Variants in RPL3 observed in about 807,000 individuals in gnomAD.
RPL3 encodes ribosomal protein L3, also known as large ribosomal subunit protein uL3.
In RPL3, 3 loss-of-function variants were observed where a neutral mutation model predicts 46.0. The observed-to-expected ratio is 0.07, with a 90% CI of 0.03 to 0.17. The LOEUF (loss-of-function observed/expected upper bound fraction) is 0.17. RPL3 is among the 10% of genes least tolerant of loss of function. The pLI is 1.00. For synonymous variants in RPL3, 224 were observed against 190.8 expected (o/e 1.17, Z -1.43); for missense variants, 387 against 532.7 (o/e 0.73, Z 2.69).
At position 39,313,305 on chromosome 22, in the gene RPL3, C is replaced by A; in HGVS notation, c.1053G>T (p.Leu351Phe). ...KKRVLTLRKS[L>F]LVQTKRRALE... Reference sequence around the variant, plus strand: ...GAGCCCGCCGCTTCGTCTGCACCAGCAAGGACTATGGGCCAAGAGGGGAAG... The same window carrying A: ...GAGCCCGCCGCTTCGTCTGCACCAGAAAGGACTATGGGCCAAGAGGGGAAG... Residue 351 changes from leucine (L) to phenylalanine (F), a missense_variant, in exon 9 of 10, where the codon TTG becomes TTT. By Grantham distance (22) the Leu-to-Phe change is conservative. Coordinates refer to ENST00000216146, the MANE Select transcript of RPL3 (RefSeq NM_000967.4). The A allele has an allele frequency of 1.2e-6, 2 of 1,614,016 alleles. No homozygotes were observed. Among genetic ancestry groups the A allele is most frequent in the Non-Finnish European group, 1.7e-6 (2 of 1,179,968 alleles).
intron 5 of RPL3, chr22:39,315,160 G>T: frequency 1.2e-6 from 1 of 841,886 alleles, no homozygotes; most frequent in Non-Finnish European, 2.0e-6. Context: ...CCAGGAACGT[G>T]TTAAGAAGTT....
At chr22:39,314,029 G>A (rs1321104828) in intron 7 of RPL3, 78 bp downstream of exon 7, 7 of 1,205,950 alleles carry the variant, frequency 5.8e-6, no homozygotes, top group Non-Finnish European at 8.7e-6. Flanking sequence ...GATCCTGCTA[G>A]CAGCCCCTAG....
At chr22:39,316,379 T>C (rs1445565410) in intron 4 of RPL3, among the ~76,000 whole-genome samples, 2 of 152,132 alleles carry the variant, frequency 1.3e-5, no homozygotes, top group African/African-American at 4.8e-5. Flanking sequence ...GCACTTGAGA[T>C]CAGCCAGGAT....
Position 39,313,607 on chromosome 22 carries a change from C to A in RPL3, c.1047+27G>T, listed in dbSNP as rs756718095. The A allele has an allele frequency of 3.1e-6, 5 of 1,605,626 alleles. No individual in the cohort carries two copies. The South Asian group carries it at 4.4e-5, about 14-fold the overall frequency. ...TGGATCCTCCCTCTACAAGAGCCCC[C>A]CCATGACAAGTCAGGACCTGCCTCA... On this transcript the variant is annotated intron_variant, in intron 8 of 9. Transcript: ENST00000216146.
At chr22:39,319,379 C>T in intron 1 of RPL3, 1 of 654,046 alleles carries the variant, frequency 1.5e-6, no homozygotes, top group Non-Finnish European at 2.7e-6. Context: ...TACGGCCTCT[C>T]TCTGGCCGAC....
chr22:39,317,485 C>T lies in RPL3; in HGVS notation c.341G>A (p.Cys114Tyr). The stretch of plus-strand genomic sequence containing the variant: ...CCAATTCTTATAGAAACGCCTCTTG[C>T]ATTCATCACTGATGTGCTCAGCAAA... ...TVFAEHISDE[C>Y]KRRFYKNWHK... is the part of the protein sequence containing the mutation. The change falls in exon 3 of 10, where the codon TGC (cysteine) becomes TAC (tyrosine). Residue 114 changes from cysteine to tyrosine, a missense_variant. Cys to Tyr is a radical substitution (Grantham distance 194). Coordinates refer to ENST00000216146, the MANE Select transcript of RPL3 (RefSeq NM_000967.4). 1 of 1,613,928 alleles carries T rather than the reference C, an allele frequency of 6.2e-7. No individual in the cohort carries two copies. The highest frequency in any genetic ancestry group is 2.2e-5 in the East Asian group (1 of 44,884).
chr22:39,319,056 A>T (rs1297189095), intron 1 of RPL3: 1 of 537,708 alleles, frequency 1.9e-6, no homozygotes, highest in Admixed American at 1.9e-5. Context: ...GAGCCAAATC[A>T]GAACGTGACA....
At chr22:39,317,794 C>A (rs1027210794) in intron 2 of RPL3, 165 bp from the exon 3 acceptor site, 7 of 695,382 alleles carry the variant, frequency 1.0e-5, no homozygotes, top group South Asian at 2.0e-5. Context: ...TCATTCAAAG[C>A]ACATTTATGT....
chr22:39,314,515 G>C, intron 6 of RPL3, 171 bp downstream of exon 6: 1 of 824,584 alleles, frequency 1.2e-6, no homozygotes, highest in South Asian at 1.7e-5. Flanking sequence ...CTACAGGATG[G>C]CACCTTACAA....
chr22:39,314,845 C>T lies in RPL3; in HGVS notation c.690G>A (p.Gly230=). The T allele has an allele frequency of 6.2e-7, 1 of 1,612,810 alleles. No individual in the cohort carries two copies. Among genetic ancestry groups the T allele is most frequent in the Non-Finnish European group, 8.5e-7 (1 of 1,179,286 alleles). Residue 230 remains glycine (G), a splice_region_variant and synonymous_variant, in exon 6 of 10, where the codon GGG becomes GGA. Coordinates refer to ENST00000216146, the MANE Select transcript of RPL3 (RefSeq NM_000967.4). ...IGVTKGKGYK[G]VTSRWHTKKL... is the part of the protein sequence containing the mutation. ...TCTTGGTGTGCCAACGACTGGTGAC[C>T]CCTGGAATGGATACACATTACTTCA...
At chr22:39,314,975 C>T (rs1187687356) in intron 5 of RPL3, 129 bp from the exon 6 acceptor site, 2 of 1,290,062 alleles carry the variant, frequency 1.6e-6, no homozygotes, top group East Asian at 2.4e-5. Flanking sequence ...TGTGCATTAC[C>T]CACAGGTCTC....
chr22:39,313,738 C>A lies in RPL3; in HGVS notation c.952-9G>T. 1.2e-6 allele frequency: 2 copies of A among 1,613,648 alleles called. No homozygotes were observed. Among genetic ancestry groups the A allele is most frequent in the Middle Eastern group, 1.6e-4 (1 of 6,062 alleles). ...TAGTGGACAAAGCCACCCTGGAAAA[C>A]GAGCATCGGATCAGCACAGGCCCAG... On this transcript the variant is annotated splice_polypyrimidine_tract_variant and intron_variant, in intron 7 of 9. Transcript: ENST00000216146.
In RPL3 at chr22:39,316,714, G is replaced by A; in HGVS notation, c.493C>T (p.His165Tyr). Residue 165 changes from histidine (H) to tyrosine (Y), a missense_variant, in exon 4 of 10, where the codon CAC becomes TAC. His to Tyr is a moderately conservative substitution (Grantham distance 83). Around this residue, in one of 5 missense-constraint regions of RPL3, gnomAD observed 196 missense variants for 217.5 expected, o/e 0.90. Coordinates refer to ENST00000216146, the MANE Select transcript of RPL3 (RefSeq NM_000967.4). ...CGGGGCACTGGGCTCACCTGGGTGT[G>A]GGCAATGACACGGATGACTTGGCAG... ...KYCQVIRVIA[H>Y]TQMRLLPLRQ... The A allele has an allele frequency of 6.2e-7, 1 of 1,612,296 alleles. No homozygotes were observed. The highest frequency in any genetic ancestry group is 1.1e-5 in the South Asian group (1 of 91,004).
At chr22:39,319,358 G>T in intron 1 of RPL3, 1 of 618,814 alleles carries the variant, frequency 1.6e-6, no homozygotes. Flanking sequence ...CTCCAAGCCT[G>T]CTCCCACCCT....
chr22:39,314,319 G>A, intron 6 of RPL3, 111 bp from the exon 7 acceptor site: 1 of 921,650 alleles, frequency 1.1e-6, no homozygotes, highest in Non-Finnish European at 1.7e-6. Context: ...CTCAGTCCCA[G>A]TCACAGCGTA....
At chr22:39,313,040 C>A in intron 9 of RPL3, 56 bp from the exon 10 acceptor site, 2 of 1,612,524 alleles carry the variant, frequency 1.2e-6, no homozygotes, top group South Asian at 2.2e-5. Context: ...CAGCAGATGC[C>A]CACTCTAGAG....
intron 4 of RPL3, 111 bp downstream of exon 4, chr22:39,316,582 ACACAGTGCCCTCT>A: frequency 8.0e-7 from 1 of 1,255,068 alleles, no homozygotes; most frequent in Non-Finnish European, 1.1e-6. Context: ...GCCAGTAAGG[ACACAGTGCCCTCT>A]GCTGGCAAGG....
intron 7 of RPL3, 129 bp from the exon 8 acceptor site, chr22:39,313,858 G>T: frequency 1.0e-6 from 1 of 953,084 alleles, no homozygotes; most frequent in Non-Finnish European, 1.7e-6. Flanking sequence ...CGGTTCCGCA[G>T]TCTGTCTCGG....
At chr22:39,314,013 G>A in intron 7 of RPL3, 94 bp downstream of exon 7, 1 of 1,070,214 alleles carries the variant, frequency 9.3e-7, no homozygotes, top group Non-Finnish European at 1.5e-6. Context: ...GTTGGCTTCA[G>A]TTAACGATCC....
Sources: allele counts gnomAD v4.1 joint callset (sites outside exome capture counted in the v4.1 genomes callset), GRCh38; gene constraint gnomAD v4.1.1; regional missense constraint gnomAD v4.1.1; transcripts MANE v1.5; gene names NCBI Gene and HGNC (gene_info 2026-07-23, HGNC 2026-07-21).